Variants in MAP2K7 observed in about 807,000 individuals in gnomAD.
MAP2K7 encodes the protein dual specificity mitogen-activated protein kinase kinase 7.
Under a neutral mutation model 47.7 loss-of-function variants are expected in MAP2K7, and 12 were observed. That is an observed-to-expected ratio of 0.25 (90% CI 0.16 to 0.41). The LOEUF (loss-of-function observed/expected upper bound fraction) is 0.41, where lower values mean the gene tolerates loss of function less well. Among genes scored for constraint, MAP2K7 ranks in the 10% least tolerant of loss-of-function variants. The pLI, the probability that MAP2K7 is intolerant of heterozygous loss-of-function variation, is 1.00. For missense variants in MAP2K7, 415 were observed against 600.3 expected (o/e 0.69, Z 3.23); for synonymous variants, 299 against 243.0 (o/e 1.23, Z -2.14).
chr19:7,909,287 G>A (rs1982660270), intron 1 of MAP2K7, among the ~76,000 whole-genome samples: 1 of 152,220 alleles, frequency 6.6e-6, no homozygotes, highest in Admixed American at 6.5e-5. Context: ...GCTCGCTCTT[G>A]TCTGGGAGCC....
intron 1 of MAP2K7, 84 bp from the exon 2 acceptor site, chr19:7,909,671 G>A (rs1327491693): frequency 6.4e-6 from 5 of 775,416 alleles, no homozygotes; most frequent in Admixed American, 2.4e-5. Flanking sequence ...TGAGGGTCCC[G>A]ACCCCTCCCT....
intron 1 of MAP2K7, 93 bp downstream of exon 1, chr19:7,904,161 T>C: frequency 9.6e-7 from 1 of 1,039,454 alleles, no homozygotes; most frequent in Non-Finnish European, 1.2e-6. Context: ...CCGCCCCCGC[T>C]TCCGGGGCGC....
At chr19:7,912,009 G>GACA in intron 9 of MAP2K7, 140 bp from the exon 10 acceptor site, 1 of 753,384 alleles carries the variant, frequency 1.3e-6, no homozygotes, top group South Asian at 1.7e-5. Context: ...GTCAGCCGGG[G>GACA]TCCTGAGGAC....
Position 7,910,441 on chromosome 19 carries a change from C to A in MAP2K7, c.448-12C>A. ...CCGGTGCTGAGGCTCCCTCCTGTCC[C>A]TGCCTGTGCAGCAAATGCGGCGCTC... On this transcript the variant is annotated splice_polypyrimidine_tract_variant and intron_variant, in intron 4 of 10. Transcript: ENST00000397979. 1 of 1,605,034 alleles carries A rather than the reference C, an allele frequency of 6.2e-7. No homozygotes were observed. The highest frequency in any genetic ancestry group is 2.3e-5 in the East Asian group (1 of 44,266).
At chr19:7,911,703 C>T (rs1282810183) in intron 9 of MAP2K7, 125 bp downstream of exon 9, 6 of 1,058,966 alleles carry the variant, frequency 5.7e-6, no homozygotes, top group African/African-American at 3.2e-5. Context: ...TGGGCGGGCT[C>T]CTGGCTGGCG....
At chr19:7,907,744 CT>C in intron 1 of MAP2K7, among the ~76,000 whole-genome samples, 1 of 152,320 alleles carries the variant, frequency 6.6e-6, no homozygotes, top group South Asian at 2.1e-4. Flanking sequence ...GCCCACAGGA[CT>C]CCTCGAGGGC....
In MAP2K7 at chr19:7,910,991, G is replaced by A. The variant is rs533766979; in HGVS notation, c.687G>A (p.Ala229=). Reference sequence around the variant, plus strand: ...CTGCGTGCCTGCAGATTGTGAAGGCGCTGTACTACCTGAAGGAGAAGCACG... The same window carrying A: ...CTGCGTGCCTGCAGATTGTGAAGGCACTGTACTACCTGAAGGAGAAGCACG... ...LGKMTVAIVK[A]LYYLKEKHGV... Residue 229 remains alanine (A), a synonymous_variant, in exon 7 of 11, where the codon GCG becomes GCA. Coordinates refer to ENST00000397979, the MANE Select transcript of MAP2K7 (RefSeq NM_145185.4). 2.3e-4 allele frequency: 370 copies of A among 1,610,728 alleles called. No individual in the cohort carries two copies. The South Asian group carries it at 3.2e-3, about 14-fold the overall frequency.
In MAP2K7 at chr19:7,913,720, T is replaced by C. The variant is rs1320506063; in HGVS notation, c.*1289T>C. 6.6e-6 allele frequency: 1 copy of C among 150,896 alleles called. No homozygotes were observed. The highest frequency in any genetic ancestry group is 1.5e-5 in the Non-Finnish European group (1 of 67,738). 9.3% of individuals were successfully genotyped at this position (150,896 alleles called of 1,614,324 possible). A position where few individuals can be genotyped will look rare whatever the true frequency, so the allele number is the denominator to read the frequency against. ...AGGGGGTGTGTTTCCTTTTTGTGGG[T>C]GTTGCATGCAAATCAAGTGGACAAG... On this transcript the variant is annotated 3_prime_UTR_variant, in exon 11 of 11. Transcript: ENST00000397979.
At chr19:7,904,380 C>G in intron 1 of MAP2K7, 1 of 272,986 alleles carries the variant, frequency 3.7e-6, no homozygotes. Context: ...GCGACAGTGA[C>G]CACATCCAGG....
intron 1 of MAP2K7, 24 bp from the exon 2 acceptor site, chr19:7,909,731 T>G: frequency 6.7e-7 from 1 of 1,489,580 alleles, no homozygotes; most frequent in Non-Finnish European, 9.0e-7. Context: ...CCCCCCTCCC[T>G]GCCACTGGTT....
chr19:7,912,687 C>G lies in MAP2K7; in HGVS notation c.*256C>G. The G allele has an allele frequency of 1.8e-6, 1 of 552,128 alleles. No homozygotes were observed. The highest frequency in any genetic ancestry group is 2.1e-5 in the South Asian group (1 of 46,576). The allele number at this position is 552,128 out of a possible 1,614,324, so 34.2% of individuals were successfully genotyped here. ...TGAACGGAAGACAGCAGGCCGCGAT[C>G]AGAGTCGCTGTTCATTCAGCCGCAG... On this transcript the variant is annotated 3_prime_UTR_variant, in exon 11 of 11. Coordinates refer to ENST00000397979, the MANE Select transcript of MAP2K7 (RefSeq NM_145185.4).
rs1030856552 is a variant in MAP2K7 at position 7,904,170 on chromosome 19, G to T, written c.124+102G>T. On this transcript the variant is annotated intron_variant, in intron 1 of 10. Coordinates refer to ENST00000397979, the MANE Select transcript of MAP2K7 (RefSeq NM_145185.4). The stretch of plus-strand genomic sequence containing the variant: ...AAGGCCCCGCCCCCGCTTCCGGGGC[G>T]CTCGCTCTCCTCTCCGCCCCCCCCG... 2.1e-5 allele frequency: 21 copies of T among 979,476 alleles called. No individual in the cohort carries two copies. In the South Asian group the frequency reaches 7.2e-4, roughly 34 times the overall value. 60.7% of individuals were successfully genotyped at this position (979,476 alleles called of 1,614,324 possible).
In MAP2K7 at chr19:7,910,669, C is replaced by T. The variant is rs1406725215; in HGVS notation, c.568-27C>T. The T allele has an allele frequency of 4.4e-6, 7 of 1,606,394 alleles. No homozygotes were observed. In the African/African-American group the frequency reaches 8.0e-5, roughly 18 times the overall value. On this transcript the variant is annotated intron_variant, in intron 5 of 10. Transcript: ENST00000397979. ...CTGGGGGGTGGGCCGGAAGACACAG[C>T]TCCCCCGGGTGCCCCTCTCCCTGCA... is the stretch of plus-strand genomic sequence containing the variant.
chr19:7,912,097 G>A lies in MAP2K7; in HGVS notation c.1080-52G>A, dbSNP rs374996120. On this transcript the variant is annotated intron_variant, in intron 9 of 10. Transcript: ENST00000397979. ...AGGGCCTGAGCACAGGGGTGGGGCCGGCATCCCCTCCTCCCTCGTTCTCAC... is the reference window on the plus strand; with the variant it reads ...AGGGCCTGAGCACAGGGGTGGGGCCAGCATCCCCTCCTCCCTCGTTCTCAC... The A allele has an allele frequency of 8.3e-4, 1,298 of 1,571,554 alleles. 1 individual carries two copies. In the Middle Eastern group the frequency reaches 0.012, roughly 15 times the overall value.
At position 7,912,575 on chromosome 19, in the gene MAP2K7, A is replaced by AC. The variant is rs2079741494; in HGVS notation, c.*147dup. 7.3e-6 allele frequency: 6 copies of AC among 823,620 alleles called. No homozygotes were observed. The highest frequency in any genetic ancestry group is 6.2e-5 in the East Asian group (2 of 32,002). 51.0% of individuals were successfully genotyped at this position (823,620 alleles called of 1,614,324 possible). ...TGAGGACAGAGAGTGGGGGGTGCCC[A>AC]CCCACCCCCCCCGCCCCGGGCCTAC... is the stretch of plus-strand genomic sequence containing the variant. On this transcript the variant is annotated 3_prime_UTR_variant, in exon 11 of 11. Coordinates refer to ENST00000397979, the MANE Select transcript of MAP2K7 (RefSeq NM_145185.4).
intron 1 of MAP2K7, among the ~76,000 whole-genome samples, chr19:7,909,230 A>T (rs1195696719): frequency 6.6e-6 from 1 of 152,182 alleles, no homozygotes; most frequent in East Asian, 1.9e-4. Context: ...AGGGCAAGGC[A>T]GCCTGAAGCC....
chr19:7,905,822 C>G, intron 1 of MAP2K7: 1 of 1,611,808 alleles, frequency 6.2e-7, no homozygotes, highest in Non-Finnish European at 8.5e-7. Context: ...TGTGATCACT[C>G]TAAGCCCTGC....
chr19:7,912,742 A>G lies in MAP2K7; in HGVS notation c.*311A>G, dbSNP rs1193711898. On this transcript the variant is annotated 3_prime_UTR_variant, in exon 11 of 11. Coordinates refer to ENST00000397979, the MANE Select transcript of MAP2K7 (RefSeq NM_145185.4). Reference sequence around the variant, plus strand: ...TGGGCCGGGGCGGCCCCCAGGGGCCAGGAGAGAGCCCTGGAGTCCCGCAGC... The same window carrying G: ...TGGGCCGGGGCGGCCCCCAGGGGCCGGGAGAGAGCCCTGGAGTCCCGCAGC... 8.6e-5 allele frequency: 37 copies of G among 431,136 alleles called. No homozygotes were observed. Among genetic ancestry groups the G allele is most frequent in the Non-Finnish European group, 4.2e-6 (1 of 236,590 alleles). 26.7% of individuals were successfully genotyped at this position (431,136 alleles called of 1,614,324 possible).
rs961668576 is a variant in MAP2K7, at chr19:7,912,089, G to A, written c.1080-60G>A. 5 of 1,534,686 alleles carry A rather than the reference G, an allele frequency of 3.3e-6. No homozygotes were observed. The South Asian group carries it at 3.4e-5, about 10-fold the overall frequency. ...CCTTGGGGAGGGCCTGAGCACAGGG[G>A]TGGGGCCGGCATCCCCTCCTCCCTC... On this transcript the variant is annotated intron_variant, in intron 9 of 10. Transcript: ENST00000397979.
Sources: gnomAD v4.1 joint callset for allele counts (sites outside exome capture counted in the v4.1 genomes callset) on GRCh38, gnomAD v4.1.1 for gene constraint, MANE v1.5 for transcripts, NCBI Gene and HGNC (gene_info 2026-07-23, HGNC 2026-07-21) for gene names.